TNIP1: variants seen among roughly 807,000 people sequenced by gnomAD.
TNIP1 encodes TNFAIP3 interacting protein 1, also known as TNFAIP3-interacting protein 1.
In TNIP1, 22 loss-of-function variants were observed where a neutral mutation model predicts 86.6. The ratio of observed to expected loss-of-function variants is 0.25; its 90% CI spans 0.18 to 0.36. TNIP1 has a LOEUF of 0.36. Ranked by LOEUF, TNIP1 falls within the 10% of genes least tolerant of loss-of-function variation. TNIP1 has a pLI of 1.00. For missense variants in TNIP1, 709 were observed against 820.6 expected, an observed-to-expected ratio of 0.86 and a Z score of 1.66; for synonymous variants, 294 against 313.0, an observed-to-expected ratio of 0.94 and a Z score of 0.64.
intron 4 of TNIP1, 39 bp downstream of exon 4, chr5:151,062,088 T>A (rs1193965607): frequency 6.3e-7 from 1 of 1,591,898 alleles, no homozygotes; most frequent in East Asian, 2.2e-5. Flanking sequence ...TTGAGGTCCA[T>A]CCAGGCAACC....
At chr5:151,034,791 C>A (rs1561805355) in intron 15 of TNIP1, 2 of 589,506 alleles carry the variant, frequency 3.4e-6, no homozygotes, top group East Asian at 3.1e-5. Context: ...AAGGTTGCTA[C>A]CTGGACACAG....
chr5:151,065,963 A>G (rs1050201072), intron 1 of TNIP1, among the ~76,000 whole-genome samples: 19 of 152,182 alleles, frequency 1.2e-4, no homozygotes, highest in African/African-American at 4.6e-4. Context: ...TGATTTTAGA[A>G]TCCTAACTCT....
At chr5:151,070,007 C>G (rs542531394) in intron 1 of TNIP1, among the ~76,000 whole-genome samples, 1 of 152,152 alleles carries the variant, frequency 6.6e-6, no homozygotes, top group Non-Finnish European at 1.5e-5. Flanking sequence ...GCCAACCTTG[C>G]GAACACGAGG....
rs1043988554 is a variant in TNIP1 at position 151,036,857 on chromosome 5, G to A, written c.1328C>T (p.Pro443Leu). 3 of 1,613,616 alleles carry A rather than the reference G, an allele frequency of 1.9e-6. No individual in the cohort carries two copies. The highest frequency in any genetic ancestry group is 2.5e-6 in the Non-Finnish European group (3 of 1,179,756). Residue 443 changes from proline to leucine, a missense_variant, in exon 13 of 18, where the codon CCA (proline) becomes CTA (leucine). Physicochemically the swap from Pro to Leu is moderately conservative, Grantham distance 98. Transcript: ENST00000521591. ...PSSPPTAFGS[P>L]EGAGALLRKQ... Reference sequence around the variant, plus strand: ...CCTTAGGAGGGCCCCTGCTCCTTCTGGGCTCCCAAATGCTGTTGGTGGAGA... The same window carrying A: ...CCTTAGGAGGGCCCCTGCTCCTTCTAGGCTCCCAAATGCTGTTGGTGGAGA...
intron 1 of TNIP1, among the ~76,000 whole-genome samples, chr5:151,074,746 T>G (rs990183515): frequency 4.6e-5 from 7 of 152,196 alleles, no homozygotes; most frequent in African/African-American, 1.7e-4. Context: ...CAGGAAATAC[T>G]ATACAGCAGT....
chr5:151,057,078 G>GC, intron 5 of TNIP1, 121 bp from the exon 6 acceptor site: 1 of 1,081,492 alleles, frequency 9.2e-7, no homozygotes, highest in Non-Finnish European at 1.2e-6. Context: ...CCCCAGCTCA[G>GC]CCCCGGGAAA....
At chr5:151,033,179 AGAG>A (rs1342721078) in intron 16 of TNIP1, among the ~76,000 whole-genome samples, 3 of 136,800 alleles carry the variant, frequency 2.2e-5, no homozygotes, top group Admixed American at 7.3e-5. Flanking sequence ...GGAGAGAAGA[AGAG>A]GAGGGGAGGG....
rs913320691 is a variant in TNIP1, at chr5:151,079,778, C to T, written c.-37+1102G>A. On this transcript the variant is annotated intron_variant, in intron 1 of 17. Coordinates refer to ENST00000521591, the MANE Select transcript of TNIP1 (RefSeq NM_006058.5). The stretch of plus-strand genomic sequence containing the variant: ...GCTGAGTTTGTACTAATATTCTACC[C>T]TCCTAATACAATTCTACCCTCCTTT... Among the ~76,000 whole-genome samples, 8 of 152,308 alleles carry T rather than the reference C, an allele frequency of 5.3e-5. No individual in the cohort carries two copies. The South Asian group carries it at 1.2e-3, about 24-fold the overall frequency.
intron 15 of TNIP1, 73 bp from the exon 16 acceptor site, chr5:151,033,872 A>C: frequency 7.7e-7 from 1 of 1,296,642 alleles, no homozygotes; most frequent in Non-Finnish European, 1.0e-6. Context: ...CACCCTCTAA[A>C]TAGAATGTTA....
intron 4 of TNIP1, 33 bp downstream of exon 4, chr5:151,062,094 C>A (rs959863946): frequency 6.2e-7 from 1 of 1,603,734 alleles, no homozygotes; most frequent in African/African-American, 1.3e-5. Flanking sequence ...TCCATCCAGG[C>A]AACCTCCACC....
chr5:151,045,959 A>G lies in TNIP1; in HGVS notation c.847-9T>C. On this transcript the variant is annotated splice_polypyrimidine_tract_variant and intron_variant, in intron 8 of 17. Transcript: ENST00000521591. The stretch of plus-strand genomic sequence containing the variant: ...CCTGCCGTCACACTAGCCTGGGGAG[A>G]AGCACAGAGGAGCCTTCACCAAAAC... 1 of 1,613,606 alleles carries G rather than the reference A, an allele frequency of 6.2e-7. No individual in the cohort carries two copies. The highest frequency in any genetic ancestry group is 8.5e-7 in the Non-Finnish European group (1 of 1,179,772).
chr5:151,035,638 C>A lies in TNIP1; in HGVS notation c.1465G>T (p.Glu489Ter). 1.2e-6 allele frequency: 2 copies of A among 1,614,186 alleles called. No homozygotes were observed. The highest frequency in any genetic ancestry group is 1.1e-5 in the South Asian group (1 of 91,088). The change falls in exon 14 of 18, where the codon GAG becomes TAG. Residue 489 changes from glutamate (E) to a stop codon, truncating the protein, a stop_gained. Transcript: ENST00000521591. LOFTEE classifies it high-confidence loss of function. ...AGCTTCTCCACTTGCTTCTTCAGCT[C>A]TTCCTTCTCCTCATTCATGCGCTCA... ...DRERMNEEKE[E>*]LKKQVEKLQA... is the part of the protein sequence containing the mutation.
intron 4 of TNIP1, among the ~76,000 whole-genome samples, chr5:151,061,405 T>C (rs1355997531): frequency 6.6e-6 from 1 of 152,092 alleles, no homozygotes; most frequent in East Asian, 1.9e-4. Context: ...CTGCACCTGA[T>C]CTGTAGGATA....
chr5:151,052,372 C>G (rs1239826701), intron 6 of TNIP1, 113 bp from the exon 7 acceptor site: 14 of 845,354 alleles, frequency 1.7e-5, no homozygotes, highest in Non-Finnish European at 2.1e-5. Context: ...AACTCCTTAT[C>G]CCCTTTGCCT....
intron 5 of TNIP1, among the ~76,000 whole-genome samples, chr5:151,059,874 C>CGG (rs1358143848): frequency 1.2e-5 from 1 of 85,760 alleles, no homozygotes; most frequent in Non-Finnish European, 2.2e-5. Context: ...TGTGCGCGCG[C>CGG]GCGCGCGCAT....
At position 151,081,001 on chromosome 5, in the gene TNIP1, G is replaced by C. The variant is rs941009764; in HGVS notation, c.-158C>G. The C allele has an allele frequency of 1.3e-5, 2 of 152,102 alleles. No individual in the cohort carries two copies. The highest frequency in any genetic ancestry group is 2.4e-5 in the African/African-American group (1 of 41,432). 9.4% of individuals were successfully genotyped at this position (152,102 alleles called of 1,614,324 possible). A position where few individuals can be genotyped will look rare whatever the true frequency, so the allele number is the denominator to read the frequency against. ...CGTAGCACTCCTAGGGCTCCTGGAC[G>C]GGGGCAGGGCACCCGGGCCGAGGAC... is the stretch of plus-strand genomic sequence containing the variant. On this transcript the variant is annotated 5_prime_UTR_variant, in exon 1 of 18. Coordinates refer to ENST00000521591, the MANE Select transcript of TNIP1 (RefSeq NM_006058.5).
chr5:151,058,305 T>C (rs1394618832), intron 5 of TNIP1, among the ~76,000 whole-genome samples: 1 of 152,226 alleles, frequency 6.6e-6, no homozygotes, highest in Non-Finnish European at 1.5e-5. Context: ...GAACCACAGC[T>C]TTAGCTATTT....
Position 151,030,326 on chromosome 5 carries a change from A to C in TNIP1, c.*387T>G. On this transcript the variant is annotated 3_prime_UTR_variant, in exon 18 of 18. Coordinates refer to ENST00000521591, the MANE Select transcript of TNIP1 (RefSeq NM_006058.5). ...AATTAAACACACACACAAATTGGTC[A>C]TGGCAACTAGAGGGCCTGAAACCAC... 2.5e-6 allele frequency: 1 copy of C among 406,068 alleles called. No individual in the cohort carries two copies. The highest frequency in any genetic ancestry group is 2.0e-5 in the South Asian group (1 of 49,952). 25.2% of individuals were successfully genotyped at this position (406,068 alleles called of 1,614,324 possible).
At chr5:151,060,284 C>A (rs1488267099) in intron 5 of TNIP1, 34 bp downstream of exon 5, 15 of 1,609,930 alleles carry the variant, frequency 9.3e-6, no homozygotes, top group Non-Finnish European at 1.3e-5. Context: ...AAGAGGGCAG[C>A]AGGTCAAGCC....
Sources: gnomAD v4.1 joint callset for allele counts (sites outside exome capture counted in the v4.1 genomes callset) on GRCh38, gnomAD v4.1.1 for gene constraint, MANE v1.5 for transcripts, NCBI Gene and HGNC (gene_info 2026-07-23, HGNC 2026-07-21) for gene names.